GGA2: variants seen among roughly 807,000 people sequenced by gnomAD.
The protein encoded by GGA2 is ADP-ribosylation factor-binding protein GGA2.
Under a neutral mutation model 79.5 loss-of-function variants are expected in GGA2, and 48 were observed. That is an observed-to-expected ratio of 0.60 (90% CI 0.48 to 0.77). GGA2 has a LOEUF of 0.77. Ranked by LOEUF, GGA2 falls within the 30% of genes least tolerant of loss-of-function variation. The pLI is 0.00. For missense variants in GGA2, 770 were observed against 774.0 expected (o/e 0.99, Z 0.06); for synonymous variants, 317 against 302.0 (o/e 1.05, Z -0.51).
intron 2 of GGA2, 25 bp downstream of exon 2, chr16:23,495,669 C>G: frequency 1.4e-6 from 2 of 1,379,610 alleles, no homozygotes; most frequent in Non-Finnish European, 2.1e-6. Context: ...CCAGAGTCAA[C>G]TATGTGTGTG....
chr16:23,519,037 CTG>C (rs1259329008), intron 2 of GGA2, among the ~76,000 whole-genome samples: 1 of 131,178 alleles, frequency 7.6e-6, no homozygotes, highest in Non-Finnish European at 1.5e-5. Flanking sequence ...AGAACGGATA[CTG>C]TCTTTTTTTT....
At chr16:23,495,523 C>T (rs1240229888) in intron 2 of GGA2, 171 bp downstream of exon 2, 1 of 410,078 alleles carries the variant, frequency 2.4e-6, no homozygotes, top group Non-Finnish European at 4.4e-6. Context: ...TCTCAAACTC[C>T]TGGGCTCAAG....
At chr16:23,479,655 A>C in intron 11 of GGA2, 110 bp downstream of exon 11, 1 of 1,285,752 alleles carries the variant, frequency 7.8e-7, no homozygotes, top group Non-Finnish European at 1.1e-6. Flanking sequence ...CTTCCTATTC[A>C]CAACCATCTC....
At chr16:23,506,457 C>T (rs959349012) in intron 1 of GGA2, among the ~76,000 whole-genome samples, 3 of 152,276 alleles carry the variant, frequency 2.0e-5, no homozygotes, top group African/African-American at 4.8e-5. Flanking sequence ...AGGAACTCAG[C>T]GGGGAGATGG....
intron 1 of GGA2, among the ~76,000 whole-genome samples, chr16:23,506,403 A>G (rs534017514): frequency 1.3e-5 from 2 of 152,204 alleles, no homozygotes; most frequent in East Asian, 1.9e-4. Flanking sequence ...GAAGACTGCA[A>G]CCCACATTCC....
intron 1 of GGA2, chr16:23,521,682 CTTTTG>C: frequency 2.2e-6 from 1 of 454,622 alleles, no homozygotes; most frequent in Non-Finnish European, 4.4e-6. Context: ...CGTATTTGTC[CTTTTG>C]TGACTGACAT....
At chr16:23,475,933 A>G (rs963462617) in intron 13 of GGA2, among the ~76,000 whole-genome samples, 1 of 74,088 alleles carries the variant, frequency 1.3e-5, no homozygotes, top group Non-Finnish European at 3.6e-5. Flanking sequence ...CCATCTCAGG[A>G]AAAAAAAAAG....
In GGA2 at chr16:23,479,873, C is replaced by T. The variant is rs369710113; in HGVS notation, c.1021G>A (p.Ala341Thr). The part of the protein sequence containing the change: ...IPVSRVFQNP[A>T]GCMKTCPLID... ...AGGGGGCAGGTCTTCATGCAGCCTG[C>T]TGGATTCTGAAAGACTAGAAAGCCC... The change falls in exon 11 of 17, where the codon GCA (alanine) becomes ACA (threonine). Residue 341 changes from alanine to threonine, a missense_variant. Coordinates refer to ENST00000309859, the MANE Select transcript of GGA2 (RefSeq NM_015044.4). 4.5e-5 allele frequency: 73 copies of T among 1,613,900 alleles called. No homozygotes were observed. The highest frequency in any genetic ancestry group is 6.0e-5 in the Non-Finnish European group (71 of 1,179,906).
rs185467966 is a variant in GGA2, at chr16:23,467,690, C to T, written c.1742G>A (p.Arg581His). ...LLDNPHKEPIRLRYKLTFNQG... is the reference protein window; with the variant it reads ...LLDNPHKEPIHLRYKLTFNQG... Reference sequence around the variant, plus strand: ...GTTGAATGTCAGCTTGTACCGTAAGCGGATAGGTTCCTGGGACAGAAGAGA... The same window carrying T: ...GTTGAATGTCAGCTTGTACCGTAAGTGGATAGGTTCCTGGGACAGAAGAGA... Residue 581 changes from arginine to histidine, a missense_variant, in exon 17 of 17, where the codon CGC (arginine) becomes CAC (histidine). Physicochemically the swap from Arg to His is conservative, Grantham distance 29 (BLOSUM62 0). Transcript: ENST00000309859. The T allele has an allele frequency of 5.1e-5, 80 of 1,568,928 alleles. No homozygotes were observed. In the East Asian group the frequency reaches 7.8e-4, roughly 15 times the overall value.
chr16:23,468,849 C>T (rs1964474008), intron 16 of GGA2, 37 bp downstream of exon 16: 1 of 1,287,312 alleles, frequency 7.8e-7, no homozygotes, highest in African/African-American at 1.5e-5. Context: ...AGTTCAGGGG[C>T]CCCCATCTCC....
intron 14 of GGA2, among the ~76,000 whole-genome samples, chr16:23,472,254 C>T (rs528998693): frequency 2.1e-4 from 29 of 140,680 alleles, no homozygotes; most frequent in South Asian, 4.6e-4. Context: ...AGTGCAGTGG[C>T]GCAATCTCAG....
At chr16:23,510,502 G>A (rs1965030618), upstream of GGA2, 1 of 477,388 alleles carries the variant, frequency 2.1e-6, no homozygotes, top group South Asian at 7.0e-5. Context: ...TGCGCGGCAG[G>A]AGCGGTGGAC....
intron 16 of GGA2, among the ~76,000 whole-genome samples, chr16:23,468,326 C>A (rs970519109): frequency 6.6e-6 from 1 of 150,584 alleles, no homozygotes; most frequent in Non-Finnish European, 1.5e-5. Context: ...TACAGGCGCA[C>A]GCCACCATGC....
chr16:23,465,145 T>C lies in GGA2; in HGVS notation c.*2445A>G, dbSNP rs1964419166. The C allele has an allele frequency of 3.4e-6, 2 of 592,494 alleles. No homozygotes were observed. The highest frequency in any genetic ancestry group is 6.0e-6 in the Non-Finnish European group (2 of 332,480). 36.7% of individuals were successfully genotyped at this position (592,494 alleles called of 1,614,324 possible). Reference sequence around the variant, plus strand: ...GTGGTGCCTGGCTCAGGGTAGCTGGTCAACAACTAGCTTTTAAAAAAACAG... The same window carrying C: ...GTGGTGCCTGGCTCAGGGTAGCTGGCCAACAACTAGCTTTTAAAAAAACAG... On this transcript the variant is annotated 3_prime_UTR_variant, in exon 17 of 17. Transcript: ENST00000309859.
At chr16:23,482,892 T>A in intron 9 of GGA2, 31 bp downstream of exon 9, 1 of 1,312,894 alleles carries the variant, frequency 7.6e-7, no homozygotes, top group Admixed American at 1.7e-5. Flanking sequence ...GCACCTGGGC[T>A]GCTAGCTACA....
chr16:23,496,114 A>AAATGAG (rs1438023444), intron 1 of GGA2, among the ~76,000 whole-genome samples: 20 of 152,056 alleles, frequency 1.3e-4, no homozygotes, highest in African/African-American at 4.6e-4. Flanking sequence ...TAGCCTGACC[A>AAATGAG]ACATGATGAA....
At chr16:23,484,666 G>C (rs929089200) in intron 8 of GGA2, among the ~76,000 whole-genome samples, 1 of 152,220 alleles carries the variant, frequency 6.6e-6, no homozygotes, top group Non-Finnish European at 1.5e-5. Context: ...AAGTTGCAAT[G>C]AGACAGTACT....
upstream of GGA2, among the ~76,000 whole-genome samples, chr16:23,512,098 G>C (rs1412936567): frequency 6.6e-6 from 1 of 152,218 alleles, no homozygotes; most frequent in Non-Finnish European, 1.5e-5. Flanking sequence ...ATTAACTTCA[G>C]TAGGGATGGC....
chr16:23,510,216 G>C (rs993301195), intron 1 of GGA2, 105 bp downstream of exon 1: 6 of 638,200 alleles, frequency 9.4e-6, no homozygotes, highest in East Asian at 3.9e-5. Flanking sequence ...CCCGGCCGCC[G>C]GCCTCCCCTG....
Sources: allele counts gnomAD v4.1 joint callset (sites outside exome capture counted in the v4.1 genomes callset), GRCh38; gene constraint gnomAD v4.1.1; transcripts MANE v1.5; gene names NCBI Gene and HGNC (gene_info 2026-07-23, HGNC 2026-07-21).